Variants in UGT1A8 observed in about 807,000 individuals in gnomAD.
UGT1A8 encodes the protein UDP-glucuronosyltransferase 1A8.
In UGT1A8, 39 loss-of-function variants were observed where a neutral mutation model predicts 45.3. The observed-to-expected ratio is 0.86, with a 90% CI of 0.67 to 1.12. The LOEUF is 1.12. Among genes scored for constraint, UGT1A8 ranks in the 50% most tolerant of loss-of-function variants. The probability of loss-of-function intolerance (pLI) is 0.00; values close to 1 mark genes in which losing one functional copy is unlikely to be tolerated. For synonymous variants in UGT1A8, 275 were observed against 249.2 expected, an observed-to-expected ratio of 1.10 and a Z score of -0.97; for missense variants, 719 against 664.9, an observed-to-expected ratio of 1.08 and a Z score of -0.90.
intron 1 of UGT1A8, among the ~76,000 whole-genome samples, chr2:233,737,983 G>A (rs936193524): frequency 6.6e-6 from 1 of 151,932 alleles, no homozygotes; most frequent in African/African-American, 2.4e-5. Flanking sequence ...ATATGGTTTG[G>A]CTCTGTGTCC....
At chr2:233,764,822 A>G (rs963945721) in intron 1 of UGT1A8, among the ~76,000 whole-genome samples, 3 of 152,082 alleles carry the variant, frequency 2.0e-5, no homozygotes, top group Non-Finnish European at 4.4e-5. Flanking sequence ...AAAATGCAGC[A>G]TGGTGGTGGG....
chr2:233,698,867 T>C (rs2075466274), intron 1 of UGT1A8, among the ~76,000 whole-genome samples: 1 of 152,248 alleles, frequency 6.6e-6, no homozygotes. Context: ...GGTGTGACTT[T>C]GCGACTTTGA....
chr2:233,747,375 G>A, intron 1 of UGT1A8: 1 of 1,604,748 alleles, frequency 6.2e-7, no homozygotes, highest in Non-Finnish European at 8.5e-7. Flanking sequence ...CCATGCCAGA[G>A]GCCACCAGGC....
intron 1 of UGT1A8, among the ~76,000 whole-genome samples, chr2:233,632,970 G>C (rs1361755035): frequency 6.6e-6 from 1 of 152,154 alleles, no homozygotes; most frequent in Non-Finnish European, 1.5e-5. Context: ...CTGTCGGTTT[G>C]TCATAAATAA....
chr2:233,765,956 G>A (rs1699007626), intron 1 of UGT1A8, among the ~76,000 whole-genome samples: 1 of 152,142 alleles, frequency 6.6e-6, no homozygotes, highest in African/African-American at 2.4e-5. Flanking sequence ...CTCACCGGCA[G>A]TGTCTAGAGG....
chr2:233,765,623 G>A (rs1698893578), intron 1 of UGT1A8, among the ~76,000 whole-genome samples: 1 of 151,662 alleles, frequency 6.6e-6, no homozygotes, highest in Admixed American at 6.6e-5. Flanking sequence ...AGGGGTGAGG[G>A]GAGGAACTTA....
intron 1 of UGT1A8, among the ~76,000 whole-genome samples, chr2:233,753,965 T>C (rs1263394667): frequency 6.6e-6 from 1 of 152,232 alleles, no homozygotes; most frequent in East Asian, 1.9e-4. Flanking sequence ...ATTAAGAGAA[T>C]AACGTGTGTT....
chr2:233,673,858 A>T (rs2602378), intron 1 of UGT1A8, among the ~76,000 whole-genome samples: 93,576 of 151,908 alleles, frequency 0.62, 29,072 homozygotes, highest in South Asian at 0.65. Context: ...TACAATGTCA[A>T]CTGCAAAGAA....
chr2:233,688,628 C>G (rs937345281), intron 1 of UGT1A8, among the ~76,000 whole-genome samples: 2 of 152,130 alleles, frequency 1.3e-5, no homozygotes, highest in Non-Finnish European at 2.9e-5. Flanking sequence ...ATGAGTTCGT[C>G]TTGTTTTTGT....
chr2:233,664,542 C>A (rs2074036345), intron 1 of UGT1A8, among the ~76,000 whole-genome samples: 2 of 152,170 alleles, frequency 1.3e-5, no homozygotes, highest in South Asian at 4.1e-4. Context: ...CTGGGGAAGC[C>A]TCAGGGAGTG....
At chr2:233,755,292 G>A (rs548797616) in intron 1 of UGT1A8, 11 of 646,792 alleles carry the variant, frequency 1.7e-5, no homozygotes, top group Non-Finnish European at 2.6e-5. Context: ...AAGAGCCTGC[G>A]GGGCACTGGC....
Position 233,769,630 on chromosome 2 carries a change from A to G in UGT1A8, c.1295+1191A>G, listed in dbSNP as rs528146282. 1.2e-5 allele frequency: 19 copies of G among 1,611,880 alleles called. 1 individual carries two copies. The Admixed American group carries it at 2.5e-4, about 21-fold the overall frequency. ...CACACCAGCTTGAGCAAGGGACAAC[A>G]GGGGAGGACTGATGACTGACTTCCC... On this transcript the variant is annotated intron_variant, in intron 4 of 4. Coordinates refer to ENST00000373450, the MANE Select transcript of UGT1A8 (RefSeq NM_019076.5). This position sits in a 1 kb window ranked among gnomAD's most constrained non-coding sequence, Gnocchi z 4.4.
At chr2:233,735,813 T>C (rs1312279736) in intron 1 of UGT1A8, among the ~76,000 whole-genome samples, 1 of 152,232 alleles carries the variant, frequency 6.6e-6, no homozygotes, top group Non-Finnish European at 1.5e-5. Flanking sequence ...AAAATTCTTT[T>C]CTTTAAGAAT....
At chr2:233,766,898 A>T in intron 1 of UGT1A8, 136 bp from the exon 2 acceptor site, 1 of 1,483,786 alleles carries the variant, frequency 6.7e-7, no homozygotes, top group Non-Finnish European at 8.9e-7. Flanking sequence ...ACATATTAAT[A>T]ATTTTTTACT....
intron 1 of UGT1A8, chr2:233,637,478 T>A (rs1320356244): frequency 6.7e-7 from 1 of 1,498,686 alleles, no homozygotes; most frequent in Non-Finnish European, 8.9e-7. Context: ...TTTGTTGCAT[T>A]TCAAATTTCT....
chr2:233,721,842 C>T (rs2076975101), intron 1 of UGT1A8: 2 of 515,392 alleles, frequency 3.9e-6, no homozygotes, highest in African/African-American at 1.9e-5. Flanking sequence ...GACCTTGTGT[C>T]CAGCCCCACT....
chr2:233,637,617 A>T (rs1456450734), intron 1 of UGT1A8, among the ~76,000 whole-genome samples: 3 of 152,210 alleles, frequency 2.0e-5, no homozygotes, highest in Admixed American at 6.5e-5. Context: ...TACATTTTAA[A>T]ATACGATGTT....
intron 1 of UGT1A8, chr2:233,755,344 A>T (rs1575735285): frequency 1.5e-5 from 6 of 413,752 alleles, no homozygotes; most frequent in Non-Finnish European, 2.1e-5. Context: ...CACAGGTCAG[A>T]GGCTTGGCGA....
chr2:233,729,651 C>T (rs1188318703), intron 1 of UGT1A8: 5 of 1,613,894 alleles, frequency 3.1e-6, no homozygotes, highest in African/African-American at 2.7e-5. Context: ...TTTTGAGGAA[C>T]ATTCCATGTG....
Sources: allele counts gnomAD v4.1 joint callset (sites outside exome capture counted in the v4.1 genomes callset), GRCh38; gene constraint gnomAD v4.1.1; non-coding constraint Gnocchi (gnomAD v3.1); transcripts MANE v1.5; gene names NCBI Gene and HGNC (gene_info 2026-07-23, HGNC 2026-07-21).